Variants in SUCNR1 observed in about 807,000 individuals in gnomAD.
The protein encoded by SUCNR1 is G-protein coupled receptor 91.
SUCNR1 carries 5 observed loss-of-function variants against 2.4 expected under a neutral mutation model. The observed-to-expected ratio is 2.07, with a 90% CI of 1.08 to 4.36. The LOEUF is 4.36. Among genes scored for constraint, SUCNR1 ranks in the 30% most tolerant of loss-of-function variants. The probability of loss-of-function intolerance (pLI) is 0.00; values close to 1 mark genes in which losing one functional copy is unlikely to be tolerated. For synonymous variants in SUCNR1, 162 were observed against 143.9 expected (o/e 1.13, Z -0.90); for missense variants, 373 against 399.2 (o/e 0.93, Z 0.56).
rs925637331 is a variant in SUCNR1 at position 151,883,626 on chromosome 3, A to G, written c.*2078A>G. On this transcript the variant is annotated 3_prime_UTR_variant, in exon 3 of 3. Transcript: ENST00000362032. Reference sequence around the variant, plus strand: ...CTTTAGGGCCCTAAACTAAAATTATAAGAGCTATTTCATTTGCTTGTTGTA... The same window carrying G: ...CTTTAGGGCCCTAAACTAAAATTATGAGAGCTATTTCATTTGCTTGTTGTA... The G allele has an allele frequency of 6.6e-6, 1 of 151,500 alleles. No homozygotes were observed. Among genetic ancestry groups the G allele is most frequent in the Non-Finnish European group, 1.5e-5 (1 of 67,802 alleles). The allele number at this position is 151,500 out of a possible 1,614,324, so 9.4% of individuals were successfully genotyped here. A position where few individuals can be genotyped will look rare whatever the true frequency, so the allele number is the denominator to read the frequency against.
intron 1 of SUCNR1, among the ~76,000 whole-genome samples, 165 bp from the exon 2 acceptor site, chr3:151,879,687 T>C (rs1718028621): frequency 2.0e-5 from 3 of 152,228 alleles, no homozygotes; most frequent in African/African-American, 7.2e-5. Context: ...TTACTAAGAT[T>C]TTCAGTTTCA....
chr3:151,874,146 A>ATATATATATTT (rs1261567808), intron 1 of SUCNR1, among the ~76,000 whole-genome samples: 1 of 60,214 alleles, frequency 1.7e-5, no homozygotes, highest in Non-Finnish European at 3.0e-5. Context: ...ATATATATAT[A>ATATATATATTT]TTTTTTTTTT....
In SUCNR1 at chr3:151,882,753, C is replaced by T. The variant is rs529541451; in HGVS notation, c.*1205C>T. 1 of 151,968 alleles carries T rather than the reference C, an allele frequency of 6.6e-6. No individual in the cohort carries two copies. Among genetic ancestry groups the T allele is most frequent in the South Asian group, 2.1e-4 (1 of 4,818 alleles). 9.4% of individuals were successfully genotyped at this position (151,968 alleles called of 1,614,324 possible). A position where few individuals can be genotyped will look rare whatever the true frequency, so the allele number is the denominator to read the frequency against. On this transcript the variant is annotated 3_prime_UTR_variant, in exon 3 of 3. Coordinates refer to ENST00000362032, the MANE Select transcript of SUCNR1 (RefSeq NM_033050.6). The stretch of plus-strand genomic sequence containing the variant: ...TATGTGCATATTAACCTGTATTATC[C>T]CAGGAGGGTTAATGAGGCCCCATTT...
rs764695693 is a variant in SUCNR1 at position 151,881,174 on chromosome 3, G to T, written c.631G>T (p.Ala211Ser). ...FVMCFFYYKI[A>S]LFLKQRNRQV... Reference sequence around the variant, plus strand: ...GATGTGTTTCTTTTATTACAAGATTGCTCTCTTCCTAAAGCAGAGGAATAG... The same window carrying T: ...GATGTGTTTCTTTTATTACAAGATTTCTCTCTTCCTAAAGCAGAGGAATAG... The change falls in exon 3 of 3, where the codon GCT (alanine) becomes TCT (serine). Residue 211 changes from alanine to serine, a missense_variant. By Grantham distance (99) the Ala-to-Ser change is moderately conservative. Transcript: ENST00000362032. 12 of 1,614,106 alleles carry T rather than the reference G, an allele frequency of 7.4e-6. No individual in the cohort carries two copies. Among genetic ancestry groups the T allele is most frequent in the South Asian group, 1.1e-5 (1 of 91,074 alleles).
rs1165536467 is a variant in SUCNR1 at position 151,880,837 on chromosome 3, C to T, written c.294C>T (p.Asn98=). The T allele has an allele frequency of 6.2e-7, 1 of 1,613,998 alleles. No homozygotes were observed. The highest frequency in any genetic ancestry group is 1.3e-5 in the African/African-American group (1 of 74,926). ...WIYGDVLCIS[N]RYVLHANLYT... ...ATGGAGACGTGCTCTGCATAAGCAACCGATATGTGCTTCATGCCAACCTCT... is the reference window on the plus strand; with the variant it reads ...ATGGAGACGTGCTCTGCATAAGCAATCGATATGTGCTTCATGCCAACCTCT... The change falls in exon 3 of 3, where the codon AAC becomes AAT. Residue 98 remains asparagine, a synonymous_variant. Transcript: ENST00000362032.
chr3:151,874,146 A>ATATTT (rs1261567808), intron 1 of SUCNR1, among the ~76,000 whole-genome samples: 83 of 60,184 alleles, frequency 1.4e-3, no homozygotes, highest in Non-Finnish European at 1.7e-3. Flanking sequence ...ATATATATAT[A>ATATTT]TTTTTTTTTT....
In SUCNR1 at chr3:151,883,638, A is replaced by G. The variant is rs1464190404; in HGVS notation, c.*2090A>G. The G allele has an allele frequency of 1.1e-4, 17 of 151,672 alleles. No homozygotes were observed. The highest frequency in any genetic ancestry group is 3.9e-4 in the African/African-American group (16 of 41,444). The allele number at this position is 151,672 out of a possible 1,614,324, so 9.4% of individuals were successfully genotyped here. On this transcript the variant is annotated 3_prime_UTR_variant, in exon 3 of 3. Transcript: ENST00000362032. ...AAACTAAAATTATAAGAGCTATTTC[A>G]TTTGCTTGTTGTACTGGGTAATTGT...
At chr3:151,877,494 T>G (rs1236130053) in intron 1 of SUCNR1, among the ~76,000 whole-genome samples, 3 of 152,106 alleles carry the variant, frequency 2.0e-5, no homozygotes, top group African/African-American at 4.8e-5. Flanking sequence ...TGGACGAGAA[T>G]GATAATGAAA....
rs1225205170 is a variant in SUCNR1, at chr3:151,882,880, C to T, written c.*1332C>T. 6.6e-6 allele frequency: 1 copy of T among 152,048 alleles called. No homozygotes were observed. Among genetic ancestry groups the T allele is most frequent in the Non-Finnish European group, 1.5e-5 (1 of 67,940 alleles). The allele number at this position is 152,048 out of a possible 1,614,324, so 9.4% of individuals were successfully genotyped here. On this transcript the variant is annotated 3_prime_UTR_variant, in exon 3 of 3. Coordinates refer to ENST00000362032, the MANE Select transcript of SUCNR1 (RefSeq NM_033050.6). ...TTCCTTGATATGCAACATAAAGTAC[C>T]TATGGCCACATATCTAAGTTCCTTT...
At chr3:151,874,681 C>A (rs1356163953) in intron 1 of SUCNR1, among the ~76,000 whole-genome samples, 2 of 152,088 alleles carry the variant, frequency 1.3e-5, no homozygotes, top group East Asian at 1.9e-4. Context: ...AGTTAATACA[C>A]AATTTGTGCC....
chr3:151,877,079 T>C (rs1717946009), intron 1 of SUCNR1, among the ~76,000 whole-genome samples: 1 of 152,124 alleles, frequency 6.6e-6, no homozygotes, highest in Admixed American at 6.6e-5. Context: ...GAAGTATAGA[T>C]ATATGACAAA....
In SUCNR1 at chr3:151,880,671, T is replaced by C; in HGVS notation, c.128T>C (p.Ile43Thr). ...GTTGTGGGAGTCCTTGGAAATACCA[T>C]TGTTGTTTACGGCTACATCTTCTCT... Reference protein sequence around the residue: ...EFVVGVLGNTIVVYGYIFSLK... With the variant: ...EFVVGVLGNTTVVYGYIFSLK... Residue 43 changes from isoleucine to threonine, a missense_variant, in exon 3 of 3, where the codon ATT becomes ACT. Coordinates refer to ENST00000362032, the MANE Select transcript of SUCNR1 (RefSeq NM_033050.6). 6.2e-6 allele frequency: 10 copies of C among 1,614,134 alleles called. No individual in the cohort carries two copies. Among genetic ancestry groups the C allele is most frequent in the Non-Finnish European group, 8.5e-6 (10 of 1,179,982 alleles).
intron 1 of SUCNR1, among the ~76,000 whole-genome samples, chr3:151,877,523 T>C (rs929184585): frequency 5.3e-5 from 8 of 152,134 alleles, no homozygotes; most frequent in Non-Finnish European, 1.0e-4. Context: ...GCAGTAATGA[T>C]AGATTTGAGA....
chr3:151,881,167 C>G lies in SUCNR1; in HGVS notation c.624C>G (p.Tyr208Ter). 2 of 1,614,156 alleles carry G rather than the reference C, an allele frequency of 1.2e-6. No individual in the cohort carries two copies. The highest frequency in any genetic ancestry group is 1.7e-6 in the Non-Finnish European group (2 of 1,180,036). Reference sequence around the variant, plus strand: ...TTTTTGTGATGTGTTTCTTTTATTACAAGATTGCTCTCTTCCTAAAGCAGA... The same window carrying G: ...TTTTTGTGATGTGTTTCTTTTATTAGAAGATTGCTCTCTTCCTAAAGCAGA... ...IPLFVMCFFY[Y>*]KIALFLKQRN... The change falls in exon 3 of 3, where the codon TAC (tyrosine) becomes TAG (stop). Residue 208 changes from tyrosine (Y) to a stop codon, truncating the protein, a stop_gained. Coordinates refer to ENST00000362032, the MANE Select transcript of SUCNR1 (RefSeq NM_033050.6). LOFTEE classifies it low-confidence loss of function (END_TRUNC).
Position 151,884,053 on chromosome 3 carries a change from C to T in SUCNR1, c.*2505C>T, listed in dbSNP as rs566976913. ...CCAAACCTAAAAGTAAAACTTTCTA[C>T]CACTGGGGCTTCAGATACTTTTAAT... On this transcript the variant is annotated 3_prime_UTR_variant, in exon 3 of 3. Transcript: ENST00000362032. 6.6e-6 allele frequency: 1 copy of T among 152,102 alleles called. No individual in the cohort carries two copies. Among genetic ancestry groups the T allele is most frequent in the East Asian group, 1.9e-4 (1 of 5,184 alleles). 9.4% of individuals were successfully genotyped at this position (152,102 alleles called of 1,614,324 possible).
rs1442781352 is a variant in SUCNR1 at position 151,879,907 on chromosome 3, G to A, written c.15G>A (p.Met5Ile). ...ACAACTACGACATGCTGGGGATCATGGTATGTTTAGAGACACAAAAGTGAA... is the reference window on the plus strand; with the variant it reads ...ACAACTACGACATGCTGGGGATCATAGTATGTTTAGAGACACAAAAGTGAA... MLGI[M>I]AWNATCKNWL... The change falls in exon 2 of 3, where the codon ATG becomes ATA. Residue 5 changes from methionine to isoleucine, a missense_variant and splice_region_variant. Physicochemically the swap from Met to Ile is conservative, Grantham distance 10. This residue lies in a region of SUCNR1 where 184 missense variants were observed against 162.2 expected (regional missense o/e 1.13). Coordinates refer to ENST00000362032, the MANE Select transcript of SUCNR1 (RefSeq NM_033050.6). 1.9e-6 allele frequency: 3 copies of A among 1,579,548 alleles called. No individual in the cohort carries two copies. Among genetic ancestry groups the A allele is most frequent in the Admixed American group, 3.5e-5 (2 of 56,478 alleles).
In SUCNR1 at chr3:151,880,981, T is replaced by A; in HGVS notation, c.438T>A (p.Ile146=). 2 of 1,614,144 alleles carry A rather than the reference T, an allele frequency of 1.2e-6. No homozygotes were observed. Among genetic ancestry groups the A allele is most frequent in the Non-Finnish European group, 1.7e-6 (2 of 1,179,998 alleles). ...TTGCTATTTTAATCTCCTTGGCCATTTGGGTTTTAGTAACCTTAGAGTTAC... is the reference window on the plus strand; with the variant it reads ...TTGCTATTTTAATCTCCTTGGCCATATGGGTTTTAGTAACCTTAGAGTTAC... The part of the protein sequence containing the change: ...KEFAILISLA[I]WVLVTLELLP... Residue 146 remains isoleucine (I), a synonymous_variant, in exon 3 of 3, where the codon ATT becomes ATA. Transcript: ENST00000362032.
At chr3:151,879,544 A>G (rs1278801991) in intron 1 of SUCNR1, among the ~76,000 whole-genome samples, 1 of 152,204 alleles carries the variant, frequency 6.6e-6, no homozygotes, top group East Asian at 1.9e-4. Flanking sequence ...ACTTTTCATC[A>G]GACACCAAAT....
intron 1 of SUCNR1, 112 bp downstream of exon 1, chr3:151,873,818 C>A (rs1559855770): frequency 1.3e-5 from 2 of 151,238 alleles, no homozygotes; most frequent in South Asian, 2.1e-4. Context: ...TAAATTAATT[C>A]TTTATAAATA....
Sources: allele counts gnomAD v4.1 joint callset (sites outside exome capture counted in the v4.1 genomes callset), GRCh38; gene constraint gnomAD v4.1.1; regional missense constraint gnomAD v4.1.1; transcripts MANE v1.5; gene names NCBI Gene and HGNC (gene_info 2026-07-23, HGNC 2026-07-21).